Variants in C4orf51 observed in about 807,000 individuals in gnomAD.
The protein encoded by C4orf51 is uncharacterized protein C4orf51.
Under a neutral mutation model 25.2 loss-of-function variants are expected in C4orf51, and 25 were observed. The observed-to-expected ratio is 0.99, with a 90% CI of 0.72 to 1.39. The LOEUF is 1.39. Among genes scored for constraint, C4orf51 ranks in the 40% most tolerant of loss-of-function variants. The probability of loss-of-function intolerance (pLI) is 0.00; values close to 1 mark genes in which losing one functional copy is unlikely to be tolerated. For synonymous variants in C4orf51, 100 were observed against 84.5 expected, an observed-to-expected ratio of 1.18 and a Z score of -1.01; for missense variants, 252 against 239.6, an observed-to-expected ratio of 1.05 and a Z score of -0.34.
At chr4:145,744,742 A>C (rs1190602498) in intron 1 of C4orf51, among the ~76,000 whole-genome samples, 3 of 151,984 alleles carry the variant, frequency 2.0e-5, no homozygotes, top group African/African-American at 4.8e-5. Flanking sequence ...ATTCCCAGCT[A>C]CTCGGGAGGC....
intron 2 of C4orf51, among the ~76,000 whole-genome samples, chr4:145,719,549 A>C (rs1578984177): frequency 1.4e-5 from 2 of 145,186 alleles, no homozygotes; most frequent in East Asian, 4.1e-4. Flanking sequence ...AGATTGCGCC[A>C]CTGCACTCCA....
Position 145,680,230 on chromosome 4 carries a change from A to G in C4orf51, c.27A>G (p.Pro9=). 6.2e-7 allele frequency: 1 copy of G among 1,613,856 alleles called. No individual in the cohort carries two copies. The change falls in exon 1 of 6, where the codon CCA becomes CCG. Residue 9 remains proline, a synonymous_variant. Transcript: ENST00000438731. MSHYFYLT[P]QILLPFSPLT... ...TGTCACACTACTTCTACTTGACTCCACAAATTCTTCTGCCCTTTAGCCCTC... is the reference window on the plus strand; with the variant it reads ...TGTCACACTACTTCTACTTGACTCCGCAAATTCTTCTGCCCTTTAGCCCTC...
At chr4:145,729,137 T>A (rs1351917757) in intron 3 of C4orf51, 32 bp from the exon 4 acceptor site, 1 of 1,380,328 alleles carries the variant, frequency 7.2e-7, no homozygotes, top group Non-Finnish European at 1.0e-6. Flanking sequence ...ATGAAAGTGG[T>A]TGGTATTTAT....
At chr4:145,741,866 TTTG>T (rs1442253512) in intron 1 of C4orf51, among the ~76,000 whole-genome samples, 4 of 151,846 alleles carry the variant, frequency 2.6e-5, no homozygotes, top group African/African-American at 7.3e-5. Flanking sequence ...CCAACTAATT[TTTG>T]TTGTTGTTGT....
chr4:145,765,415 G>T lies in C4orf51; in HGVS notation n.167-5573G>T. 2 of 1,159,712 alleles carry T rather than the reference G, an allele frequency of 1.7e-6. No individual in the cohort carries two copies. The highest frequency in any genetic ancestry group is 2.4e-6 in the Non-Finnish European group (2 of 836,674). The allele number at this position is 1,159,712 out of a possible 1,614,324, so 71.8% of individuals were successfully genotyped here. ...TAAGCCAAAAGAAATACAACCTTTA[G>T]GTGAGGCCCAGCATACTGCATCCTG... On this transcript the variant is annotated intron_variant and non_coding_transcript_variant, in intron 1 of 1. Coordinates refer to the C4orf51 transcript ENST00000510096. This position sits in a 1 kb window ranked among gnomAD's most constrained non-coding sequence, Gnocchi z 4.7.
chr4:145,775,135 G>A (rs1176903920), downstream of C4orf51, among the ~76,000 whole-genome samples: 1 of 152,054 alleles, frequency 6.6e-6, no homozygotes, highest in Admixed American at 6.6e-5. Flanking sequence ...TTGTTGTATG[G>A]CACTCCAAGC....
intron 1 of C4orf51, among the ~76,000 whole-genome samples, chr4:145,751,646 T>C (rs1444926645): frequency 6.6e-6 from 1 of 152,182 alleles, no homozygotes. Flanking sequence ...GCTCTACTTA[T>C]GTACTTATGT....
At chr4:145,750,545 T>C (rs369144852) in intron 1 of C4orf51, among the ~76,000 whole-genome samples, 2 of 152,102 alleles carry the variant, frequency 1.3e-5, no homozygotes, top group East Asian at 3.8e-4. Context: ...TTGTTTCTTT[T>C]CTCTTGCTGC....
At position 145,719,861 on chromosome 4, in the gene C4orf51, T is replaced by C. The variant is rs548061237; in HGVS notation, c.308-7050T>C. ...AGGAATATAAATAAGGGATGGCAAA[T>C]GTGATTTGCGGGGAGAAGAAAAGAG... On this transcript the variant is annotated intron_variant, in intron 2 of 5. Transcript: ENST00000438731. 3.9e-5 allele frequency among the ~76,000 whole-genome samples: 6 copies of C among 152,132 alleles called. No individual in the cohort carries two copies. The South Asian group carries it at 1.2e-3, about 32-fold the overall frequency.
chr4:145,745,117 T>C (rs547996186), intron 1 of C4orf51, among the ~76,000 whole-genome samples: 6 of 152,322 alleles, frequency 3.9e-5, no homozygotes, highest in African/African-American at 1.4e-4. Flanking sequence ...TATATACTTA[T>C]GGGGTAGATG....
intron 2 of C4orf51, among the ~76,000 whole-genome samples, chr4:145,715,612 G>C (rs1484119155): frequency 6.6e-6 from 1 of 152,056 alleles, no homozygotes; most frequent in Admixed American, 6.5e-5. Context: ...GGCCACCCAG[G>C]CTCCCACTAT....
At chr4:145,742,052 C>T (rs1281885140) in intron 1 of C4orf51, among the ~76,000 whole-genome samples, 1 of 152,170 alleles carries the variant, frequency 6.6e-6, no homozygotes, top group Non-Finnish European at 1.5e-5. Flanking sequence ...GTAGACTTTT[C>T]TCTTTGTTGC....
chr4:145,688,249 C>T (rs1729301527), intron 1 of C4orf51, among the ~76,000 whole-genome samples: 2 of 144,726 alleles, frequency 1.4e-5, no homozygotes, highest in Admixed American at 1.4e-4. Flanking sequence ...AAATAGGTCA[C>T]ATCTCTGCAA....
intron 1 of C4orf51, among the ~76,000 whole-genome samples, chr4:145,739,536 C>T (rs762919399): frequency 2.1e-4 from 32 of 152,184 alleles, no homozygotes; most frequent in Non-Finnish European, 4.4e-4. Flanking sequence ...TATGACTTTT[C>T]ACTCTCTTCT....
At chr4:145,685,913 T>C (rs1167326063) in intron 1 of C4orf51, among the ~76,000 whole-genome samples, 2 of 151,842 alleles carry the variant, frequency 1.3e-5, no homozygotes, top group Non-Finnish European at 2.9e-5. Flanking sequence ...TGAGTAAAAA[T>C]TAAATCACAA....
chr4:145,709,708 A>T (rs2126724164), intron 2 of C4orf51, among the ~76,000 whole-genome samples: 1 of 152,318 alleles, frequency 6.6e-6, no homozygotes, highest in East Asian at 1.9e-4. Context: ...AGGTAATTTT[A>T]GTTGAAAAAG....
At chr4:145,686,697 CCA>C (rs1729176772) in intron 1 of C4orf51, among the ~76,000 whole-genome samples, 1 of 152,112 alleles carries the variant, frequency 6.6e-6, no homozygotes, top group African/African-American at 2.4e-5. Flanking sequence ...TTGATCACTC[CCA>C]CCCCCTTGAT....
intron 1 of C4orf51, among the ~76,000 whole-genome samples, chr4:145,693,864 G>A (rs536637850): frequency 7.2e-5 from 5 of 68,980 alleles, no homozygotes; most frequent in African/African-American, 1.9e-4. Context: ...CCTCCCTCCC[G>A]GACGGGGTGG....
chr4:145,765,873 A>AGCAGTGGGGGAG lies in C4orf51; in HGVS notation n.167-5115_167-5114insGCAGTGGGGGAG. The AGCAGTGGGGGAG allele has an allele frequency of 1.2e-6, 1 of 846,592 alleles. No individual in the cohort carries two copies. The highest frequency in any genetic ancestry group is 1.8e-6 in the Non-Finnish European group (1 of 568,560). The allele number at this position is 846,592 out of a possible 1,614,324, so 52.4% of individuals were successfully genotyped here. A position where few individuals can be genotyped will look rare whatever the true frequency, so the allele number is the denominator to read the frequency against. On this transcript the variant is annotated intron_variant and non_coding_transcript_variant, in intron 1 of 1. Coordinates refer to the C4orf51 transcript ENST00000510096. This position sits in a 1 kb window ranked among gnomAD's most constrained non-coding sequence, Gnocchi z 4.7. ...ACAGGCTCATGTCCCCAGCTCCCCC[A>AGCAGTGGGGGAG]CTGCTGGGGGATCCCAGGTCCTAAG... is the stretch of plus-strand genomic sequence containing the variant.
Sources: gnomAD v4.1 joint callset for allele counts (sites outside exome capture counted in the v4.1 genomes callset) on GRCh38, gnomAD v4.1.1 for gene constraint, Gnocchi (gnomAD v3.1) non-coding constraint, MANE v1.5 for transcripts, NCBI Gene and HGNC (gene_info 2026-07-23, HGNC 2026-07-21) for gene names.